Variants in GALK2 observed in about 807,000 individuals in gnomAD.
GALK2 encodes galactokinase 2, also known as N-acetylgalactosamine kinase.
GALK2 carries 36 observed loss-of-function variants against 52.4 expected under a neutral mutation model. That is an observed-to-expected ratio of 0.69 (90% CI 0.53 to 0.91). GALK2 has a LOEUF of 0.91. GALK2 is among the 40% of genes least tolerant of loss of function. GALK2 has a pLI of 0.00. For missense variants in GALK2, 579 were observed against 559.1 expected (o/e 1.04, Z -0.36); for synonymous variants, 176 against 199.1 (o/e 0.88, Z 0.98).
intron 3 of GALK2, chr15:49,225,120 A>G (rs1474640737): frequency 2.3e-6 from 1 of 438,032 alleles, no homozygotes; most frequent in East Asian, 7.0e-5. Flanking sequence ...GGGGAGACAG[A>G]TGACCCTCTC....
intron 5 of GALK2, among the ~76,000 whole-genome samples, chr15:49,259,882 C>T (rs1029050024): frequency 1.3e-5 from 2 of 151,980 alleles, no homozygotes; most frequent in Non-Finnish European, 2.9e-5. Context: ...TTTCCAGTTT[C>T]ATCCACGTCC....
intron 5 of GALK2, among the ~76,000 whole-genome samples, chr15:49,274,850 C>G (rs2031387298): frequency 6.6e-6 from 1 of 152,128 alleles, no homozygotes. Flanking sequence ...ACCTCCACCT[C>G]TTGTCCTACT....
chr15:49,366,468 A>T (rs2045209602), intron 3 of GALK2: 1 of 1,043,170 alleles, frequency 9.6e-7, no homozygotes, highest in African/African-American at 1.6e-5. Flanking sequence ...GAAAGGTTGC[A>T]TAGTGGTGCG....
rs1022699569 is a variant in GALK2 at position 49,276,630 on chromosome 15, G to A, written c.505-5357G>A. ...ATGGTTCTATTTTCAGTGTCCCAAAGGACAGACAGAAAAAGCATGAATAGA... is the reference window on the plus strand; with the variant it reads ...ATGGTTCTATTTTCAGTGTCCCAAAAGACAGACAGAAAAAGCATGAATAGA... On this transcript the variant is annotated intron_variant, in intron 5 of 9. Coordinates refer to ENST00000560031, the MANE Select transcript of GALK2 (RefSeq NM_002044.4). Among the ~76,000 whole-genome samples, 44 of 152,108 alleles carry A rather than the reference G, an allele frequency of 2.9e-4. 1 individual carries two copies. The highest frequency in any genetic ancestry group is 2.8e-3 in the Admixed American group (43 of 15,272).
intron 8 of GALK2, among the ~76,000 whole-genome samples, chr15:49,298,637 A>G (rs548568352): frequency 1.8e-4 from 28 of 152,132 alleles, no homozygotes; most frequent in African/African-American, 6.5e-4. Context: ...CTTGAATTTT[A>G]TTGAAAGTCT....
chr15:49,179,454 G>T (rs1169737437), intron 1 of GALK2, among the ~76,000 whole-genome samples: 4 of 152,044 alleles, frequency 2.6e-5, no homozygotes, highest in African/African-American at 9.7e-5. Context: ...ACAGGATGGG[G>T]GACTTGCCCA....
At chr15:49,203,823 A>C (rs1334409802) in intron 2 of GALK2, among the ~76,000 whole-genome samples, 1 of 152,204 alleles carries the variant, frequency 6.6e-6, no homozygotes, top group Non-Finnish European at 1.5e-5. Context: ...GTTGAAAATC[A>C]TTTGGCCTTG....
chr15:49,251,951 G>A (rs1354891162), intron 5 of GALK2, among the ~76,000 whole-genome samples: 1 of 151,986 alleles, frequency 6.6e-6, no homozygotes, highest in East Asian at 1.9e-4. Flanking sequence ...AAAACACCCA[G>A]GAAAATTTTA....
At position 49,324,478 on chromosome 15, in the gene GALK2, A is replaced by C. The variant is rs2037169393; in HGVS notation, c.1170-3474A>C. Among the ~76,000 whole-genome samples, 3 of 150,626 alleles carry C rather than the reference A, an allele frequency of 2.0e-5. No individual in the cohort carries two copies. In the South Asian group the frequency reaches 6.3e-4, roughly 32 times the overall value. On this transcript the variant is annotated intron_variant, in intron 9 of 9. Coordinates refer to ENST00000560031, the MANE Select transcript of GALK2 (RefSeq NM_002044.4). The stretch of plus-strand genomic sequence containing the variant: ...TCTCTTTGGGCCTCTTTGACTTATG[A>C]ATATACATGCCATTTGCAGGACCCA...
intron 3 of GALK2, among the ~76,000 whole-genome samples, chr15:49,361,721 CT>C (rs1345497723): frequency 6.6e-6 from 1 of 152,104 alleles, no homozygotes; most frequent in East Asian, 1.9e-4. Flanking sequence ...GTGAATGTAT[CT>C]TTCTGGTAGA....
chr15:49,160,742 C>T (rs550498779), intron 1 of GALK2, among the ~76,000 whole-genome samples: 41 of 152,090 alleles, frequency 2.7e-4, no homozygotes, highest in African/African-American at 8.4e-4. Context: ...TGGTGGTGTG[C>T]GCCTGTAGTC....
chr15:49,239,369 T>TAGGATAGG lies in GALK2; in HGVS notation c.504+3_504+4insGGATAGGA. ...GTGCTGGGAAGGAATCTATCCAAGG[T>TAGGATAGG]AACTACCTTTGATAGGAAACCTCAT... On this transcript the variant is annotated splice_region_variant and intron_variant, in intron 5 of 9. Transcript: ENST00000560031. 1 of 1,613,476 alleles carries TAGGATAGG rather than the reference T, an allele frequency of 6.2e-7. No homozygotes were observed. Among genetic ancestry groups the TAGGATAGG allele is most frequent in the East Asian group, 2.2e-5 (1 of 44,870 alleles).
At chr15:49,161,362 G>A (rs1287510170) in intron 1 of GALK2, among the ~76,000 whole-genome samples, 2 of 152,136 alleles carry the variant, frequency 1.3e-5, no homozygotes, top group African/African-American at 4.8e-5. Context: ...GTGCTAGTTG[G>A]ATAAATAAAA....
chr15:49,292,806 C>G (rs371944948), intron 8 of GALK2, among the ~76,000 whole-genome samples: 10 of 151,826 alleles, frequency 6.6e-5, no homozygotes, highest in South Asian at 4.2e-4. Flanking sequence ...TTTTTTTTCC[C>G]TTATCCATTT....
intron 8 of GALK2, among the ~76,000 whole-genome samples, chr15:49,308,798 G>A (rs2035753446): frequency 6.6e-6 from 1 of 152,206 alleles, no homozygotes; most frequent in African/African-American, 2.4e-5. Flanking sequence ...CTGGAAATTT[G>A]ATCATGTTGG....
chr15:49,276,082 T>G (rs535742447), intron 5 of GALK2, among the ~76,000 whole-genome samples: 1 of 152,356 alleles, frequency 6.6e-6, no homozygotes, highest in East Asian at 1.9e-4. Flanking sequence ...GGTTACACAC[T>G]TTGGCAAAGT....
intron 2 of GALK2, among the ~76,000 whole-genome samples, chr15:49,209,854 A>G (rs2088666276): frequency 6.6e-6 from 1 of 152,182 alleles, no homozygotes; most frequent in African/African-American, 2.4e-5. Flanking sequence ...CTCATAGAAT[A>G]GTTTCAAAGA....
intron 5 of GALK2, among the ~76,000 whole-genome samples, chr15:49,240,266 A>G (rs1322088305): frequency 6.6e-6 from 1 of 152,188 alleles, no homozygotes; most frequent in Non-Finnish European, 1.5e-5. Context: ...TGAGAAGAGA[A>G]GAAGCAAGGG....
At chr15:49,168,752 A>T (rs1339474784), upstream of GALK2, among the ~76,000 whole-genome samples, 3 of 142,342 alleles carry the variant, frequency 2.1e-5, no homozygotes, top group Non-Finnish European at 4.5e-5. Flanking sequence ...TCTTTTCTGT[A>T]TTTACTGATG....
Sources: gnomAD v4.1 joint callset for allele counts (sites outside exome capture counted in the v4.1 genomes callset) on GRCh38, gnomAD v4.1.1 for gene constraint, MANE v1.5 for transcripts, NCBI Gene and HGNC (gene_info 2026-07-23, HGNC 2026-07-21) for gene names.